GCFC2: variants seen among roughly 807,000 people sequenced by gnomAD.
GCFC2 encodes GC-rich sequence DNA-binding factor 2.
GCFC2 carries 102 observed loss-of-function variants against 99.4 expected under a neutral mutation model. The observed-to-expected ratio is 1.03, with a 90% confidence interval of 0.87 to 1.21. The LOEUF is 1.21. GCFC2 is among the 50% of genes most tolerant of loss of function. GCFC2 has a pLI of 0.00. For missense variants in GCFC2, 973 were observed against 920.9 expected (o/e 1.06, Z -0.73); for synonymous variants, 338 against 316.8 (o/e 1.07, Z -0.71).
intron 12 of GCFC2, among the ~76,000 whole-genome samples, chr2:75,677,892 T>C (rs1056310578): frequency 4.0e-5 from 6 of 151,484 alleles, no homozygotes; most frequent in African/African-American, 1.5e-4. Context: ...GCAGGAGAAT[T>C]GCTTGAACCT....
chr2:75,683,771 C>CAAAAAAAAAAAAAAAAAAAAAGAAAAAA (rs1679688456), intron 11 of GCFC2, among the ~76,000 whole-genome samples: 11 of 60,386 alleles, frequency 1.8e-4, no homozygotes, highest in African/African-American at 2.6e-4. Flanking sequence ...AAATGGAAAG[C>CAAAAAAAAAAAAAAAAAAAAAGAAAAAA]AAAAAAAAAA....
chr2:75,665,978 T>G lies in GCFC2; in HGVS notation c.2179A>C (p.Ile727Leu), dbSNP rs1321710477. The change falls in exon 16 of 17, where the codon ATT becomes CTT. Residue 727 changes from isoleucine to leucine, a missense_variant. Physicochemically the swap from Ile to Leu is conservative, Grantham distance 5. Transcript: ENST00000321027. ...RTSIPQLENF[I>L]QFLLQSAHKL... is the part of the protein sequence containing the mutation. Reference sequence around the variant, plus strand: ...TGTGCAGACTGCAATAAAAACTGAATGAAGTTTTCTAGCTGTGGAATAGAT... The same window carrying G: ...TGTGCAGACTGCAATAAAAACTGAAGGAAGTTTTCTAGCTGTGGAATAGAT... 1 of 1,601,208 alleles carries G rather than the reference T, an allele frequency of 6.2e-7. No homozygotes were observed. Among genetic ancestry groups the G allele is most frequent in the African/African-American group, 1.3e-5 (1 of 74,644 alleles).
intron 4 of GCFC2, among the ~76,000 whole-genome samples, chr2:75,697,137 CAT>C (rs778740959): frequency 6.6e-6 from 1 of 152,184 alleles, no homozygotes; most frequent in African/African-American, 2.4e-5. Flanking sequence ...GCACTCCTAA[CAT>C]ATATCTTATA....
intron 2 of GCFC2, among the ~76,000 whole-genome samples, chr2:75,703,835 AT>A (rs1680717466): frequency 6.6e-6 from 1 of 152,210 alleles, no homozygotes; most frequent in Non-Finnish European, 1.5e-5. Flanking sequence ...TGCAGGCAGG[AT>A]TAAGATAAGA....
In GCFC2 at chr2:75,666,070, A is replaced by G; in HGVS notation, c.2104-17T>C. On this transcript the variant is annotated splice_polypyrimidine_tract_variant and intron_variant, in intron 15 of 16. Coordinates refer to ENST00000321027, the MANE Select transcript of GCFC2 (RefSeq NM_003203.5). ...TGCTGCTACCTGTTAATCAAAACAC[A>G]TGGCTGGTTTACAATGACAGTTATC... 4 of 1,591,172 alleles carry G rather than the reference A, an allele frequency of 2.5e-6. No individual in the cohort carries two copies. The highest frequency in any genetic ancestry group is 1.7e-6 in the Non-Finnish European group (2 of 1,167,540).
At chr2:75,687,236 G>A (rs966341416) in intron 11 of GCFC2, among the ~76,000 whole-genome samples, 29 of 152,022 alleles carry the variant, frequency 1.9e-4, no homozygotes, top group African/African-American at 6.3e-4. Flanking sequence ...ACTCCCAGAT[G>A]AAGCAATGGT....
chr2:75,689,891 A>G, intron 9 of GCFC2, 78 bp downstream of exon 9: 1 of 759,752 alleles, frequency 1.3e-6, no homozygotes, highest in Middle Eastern at 2.3e-4. Flanking sequence ...TTATGTACTT[A>G]TTAAGGGCAA....
In GCFC2 at chr2:75,668,339, G is replaced by GAAAACCAAAACAAAACAAAAC. The variant is rs567893132; in HGVS notation, c.2103+1798_2103+1799insGTTTTGTTTTGTTTTGGTTTT. On this transcript the variant is annotated intron_variant, in intron 15 of 16. Coordinates refer to ENST00000321027, the MANE Select transcript of GCFC2 (RefSeq NM_003203.5). ...GCTTAGAATGCATATAAGTGCTAAAGAAAACAAAACAAAACAAAACAAAAC... is the reference window on the plus strand; with the variant it reads ...GCTTAGAATGCATATAAGTGCTAAAGAAAACCAAAACAAAACAAAACAAAACAAAACAAAACAAAACAAAAC... Among the ~76,000 whole-genome samples, 168 of 151,750 alleles carry GAAAACCAAAACAAAACAAAAC rather than the reference G, an allele frequency of 1.1e-3. 1 individual carries two copies. Among genetic ancestry groups the GAAAACCAAAACAAAACAAAAC allele is most frequent in the Middle Eastern group, 0.01 (3 of 292 alleles).
intron 11 of GCFC2, among the ~76,000 whole-genome samples, chr2:75,686,775 T>A (rs11903885): frequency 0.03 from 4,567 of 151,914 alleles, 241 homozygotes; most frequent in African/African-American, 0.1. Flanking sequence ...TAAATAAGAG[T>A]TTTGCAGTCT....
In GCFC2 at chr2:75,673,514, G is replaced by T; in HGVS notation, c.1819C>A (p.Leu607Ile). The T allele has an allele frequency of 1.6e-6, 2 of 1,220,852 alleles. No individual in the cohort carries two copies. The highest frequency in any genetic ancestry group is 2.4e-6 in the Non-Finnish European group (2 of 822,754). The allele number at this position is 1,220,852 out of a possible 1,614,324, so 75.6% of individuals were successfully genotyped here. Residue 607 changes from leucine (L) to isoleucine (I), a missense_variant, in exon 13 of 17, where the codon CTT (leucine) becomes ATT (isoleucine). By Grantham distance (5) the Leu-to-Ile change is conservative. Coordinates refer to ENST00000321027, the MANE Select transcript of GCFC2 (RefSeq NM_003203.5). ...NEVSKSRQDL[L>I]KSIVSRMKKA... ...TTCATTCTTGAAACAATGGATTTAA[G>T]TAAATCCTATTATTACAAATTTGAA... is the stretch of plus-strand genomic sequence containing the variant.
intron 2 of GCFC2, among the ~76,000 whole-genome samples, chr2:75,703,495 T>C (rs1464392059): frequency 6.6e-6 from 1 of 152,164 alleles, no homozygotes. Flanking sequence ...GAGTGAATCA[T>C]GAAGCAATAA....
At chr2:75,694,486 A>G (rs1314432394) in intron 5 of GCFC2, 59 bp from the exon 6 acceptor site, 1 of 632,016 alleles carries the variant, frequency 1.6e-6, no homozygotes, top group African/African-American at 1.9e-5. Context: ...GTAGCAATCT[A>G]ATGTAAATAT....
chr2:75,704,314 C>T (rs908251742), intron 2 of GCFC2, among the ~76,000 whole-genome samples: 1 of 152,178 alleles, frequency 6.6e-6, no homozygotes, highest in Non-Finnish European at 1.5e-5. Context: ...AGTTATTCAT[C>T]GGAACACAAA....
At chr2:75,710,947 C>T (rs927765729), upstream of GCFC2, 4 of 1,369,942 alleles carry the variant, frequency 2.9e-6, no homozygotes, top group Admixed American at 1.2e-4. Flanking sequence ...CCCGCCGCGC[C>T]TGGCCGCCGA....
chr2:75,694,467 C>T, intron 5 of GCFC2, 40 bp from the exon 6 acceptor site: 1 of 776,616 alleles, frequency 1.3e-6, no homozygotes, highest in Non-Finnish European at 1.9e-6. Flanking sequence ...TTTTCATACT[C>T]TTTTAAAAGT....
rs572432057 is a variant in GCFC2 at position 75,663,185 on chromosome 2, A to C, written c.*1481T>G. On this transcript the variant is annotated 3_prime_UTR_variant, in exon 17 of 17. Transcript: ENST00000321027. ...ACAGACATAACAAATCCAACTCCTA[A>C]AATAAATTATATGTAGTTTTGAAGG... The C allele has an allele frequency of 3.7e-4, 57 of 152,320 alleles. No homozygotes were observed. The highest frequency in any genetic ancestry group is 1.3e-3 in the African/African-American group (54 of 41,580). The allele number at this position is 152,320 out of a possible 1,614,324, so 9.4% of individuals were successfully genotyped here. A position where few individuals can be genotyped will look rare whatever the true frequency, so the allele number is the denominator to read the frequency against.
chr2:75,689,278 G>T, intron 9 of GCFC2, 53 bp from the exon 10 acceptor site: 2 of 991,418 alleles, frequency 2.0e-6, no homozygotes, highest in African/African-American at 1.6e-5. Flanking sequence ...CTTTAAGTAT[G>T]CTTCCTTAAA....
At chr2:75,677,462 G>A (rs1173528863) in intron 12 of GCFC2, among the ~76,000 whole-genome samples, 1 of 152,208 alleles carries the variant, frequency 6.6e-6, no homozygotes, top group Non-Finnish European at 1.5e-5. Flanking sequence ...ACAATGTGTA[G>A]ACATTTTTGG....
Position 75,710,692 on chromosome 2 carries a change from G to A in GCFC2, c.164C>T (p.Ala55Val). The change falls in exon 1 of 17, where the codon GCG (alanine) becomes GTG (valine). Residue 55 changes from alanine (A) to valine (V), a missense_variant. Transcript: ENST00000321027. ...PPSGGGRAQVAGLPHRVRGPR... is the reference protein window; with the variant it reads ...PPSGGGRAQVVGLPHRVRGPR... ...GCCCCGAACCCGGTGGGGCAGTCCC[G>A]CCACCTGCGCGCGGCCTCCTCCAGA... 2 of 1,528,042 alleles carry A rather than the reference G, an allele frequency of 1.3e-6. No homozygotes were observed. The highest frequency in any genetic ancestry group is 1.2e-5 in the South Asian group (1 of 82,742). 94.7% of individuals were successfully genotyped at this position (1,528,042 alleles called of 1,614,324 possible). A position where few individuals can be genotyped will look rare whatever the true frequency, so the allele number is the denominator to read the frequency against.
Sources: gnomAD v4.1 joint callset for allele counts (sites outside exome capture counted in the v4.1 genomes callset) on GRCh38, gnomAD v4.1.1 for gene constraint, MANE v1.5 for transcripts, NCBI Gene and HGNC (gene_info 2026-07-23, HGNC 2026-07-21) for gene names.